Variants in PTPRN2 observed in about 807,000 individuals in gnomAD.
PTPRN2 encodes the protein receptor-type tyrosine-protein phosphatase N2.
In PTPRN2, 74 loss-of-function variants were observed where a neutral mutation model predicts 118.8. That is an observed-to-expected ratio of 0.62 (90% CI 0.52 to 0.76). The LOEUF (loss-of-function observed/expected upper bound fraction) is 0.76. PTPRN2 is among the 30% of genes least tolerant of loss of function. The pLI, the probability that PTPRN2 is intolerant of heterozygous loss-of-function variation, is 0.00. For synonymous variants in PTPRN2, 641 were observed against 608.0 expected (o/e 1.05, Z -0.80); for missense variants, 1,481 against 1,394.4 (o/e 1.06, Z -0.99).
chr7:157,759,723 ATTACTT>A (rs1368312549), intron 12 of PTPRN2, among the ~76,000 whole-genome samples: 1 of 152,236 alleles, frequency 6.6e-6, no homozygotes, highest in East Asian at 1.9e-4. Context: ...GGCTTTAAAA[ATTACTT>A]TAACAAATAA....
chr7:158,122,814 T>C (rs1333685052), intron 9 of PTPRN2, among the ~76,000 whole-genome samples: 1 of 151,996 alleles, frequency 6.6e-6, no homozygotes, highest in East Asian at 1.9e-4. Context: ...CCCAGAAAGG[T>C]GGGGTGAGCC....
intron 12 of PTPRN2, among the ~76,000 whole-genome samples, chr7:157,859,989 C>CTG (rs1389146447): frequency 1.3e-5 from 2 of 151,318 alleles, no homozygotes; most frequent in Non-Finnish European, 3.0e-5. Context: ...GCCCCGGCCA[C>CTG]CACCCACACT....
rs1169174617 is a variant in PTPRN2, at chr7:158,565,855, A to G, written c.112+21703T>C. 6.6e-6 allele frequency among the ~76,000 whole-genome samples: 1 copy of G among 152,128 alleles called. No individual in the cohort carries two copies. Among genetic ancestry groups the G allele is most frequent in the Admixed American group, 6.5e-5 (1 of 15,282 alleles). ...AGATGCAGGATATTCTGATGAGGAA[A>G]CCGAGGCATGGAGCTTCTTAGGAAC... On this transcript the variant is annotated intron_variant, in intron 1 of 22. Transcript: ENST00000389418. This position sits in a 1 kb window ranked among gnomAD's most constrained non-coding sequence, Gnocchi z 4.6.
At position 158,350,737 on chromosome 7, in the gene PTPRN2, G is replaced by A. The variant is rs114581539; in HGVS notation, c.164-33805C>T. 9.3e-3 allele frequency among the ~76,000 whole-genome samples: 1,419 copies of A among 152,154 alleles called. 28 individuals are homozygous for A. Among genetic ancestry groups the A allele is most frequent in the African/African-American group, 0.032 (1,340 of 41,516 alleles). On this transcript the variant is annotated intron_variant, in intron 2 of 22. Coordinates refer to ENST00000389418, the MANE Select transcript of PTPRN2 (RefSeq NM_002847.5). ...CCCAGTGGATCAGTCGCTCATCACC[G>A]GCCAGGCCAGTGCCTCGCCTCACCT...
chr7:158,116,570 T>C (rs898649523), intron 9 of PTPRN2, among the ~76,000 whole-genome samples: 2 of 152,240 alleles, frequency 1.3e-5, no homozygotes, highest in African/African-American at 4.8e-5. Context: ...GATGTTGTCC[T>C]CCAAATATTG....
chr7:157,904,359 T>C (rs564190064), intron 11 of PTPRN2, among the ~76,000 whole-genome samples: 15 of 152,330 alleles, frequency 9.8e-5, no homozygotes, highest in African/African-American at 3.4e-4. Context: ...AGAGCCCATA[T>C]GCTCCCGGTG....
intron 5 of PTPRN2, among the ~76,000 whole-genome samples, chr7:158,175,383 T>C (rs1824098068): frequency 6.6e-6 from 1 of 152,154 alleles, no homozygotes; most frequent in Non-Finnish European, 1.5e-5. Context: ...TTGGGATGAC[T>C]TCACTGTGCC....
At position 157,615,177 on chromosome 7, in the gene PTPRN2, G is replaced by A. The variant is rs1420174771; in HGVS notation, c.2344+6185C>T. Among the ~76,000 whole-genome samples the A allele has an allele frequency of 6.6e-6, 1 of 152,228 alleles. No homozygotes were observed. The highest frequency in any genetic ancestry group is 1.5e-5 in the Non-Finnish European group (1 of 68,034). ...GCTGGCCAGCGTGGGTGGTGGGTGT[G>A]CAGGCGATGCCACGCTACCCCTTCC... On this transcript the variant is annotated intron_variant, in intron 15 of 22. Transcript: ENST00000389418. This position sits in a 1 kb window ranked among gnomAD's most constrained non-coding sequence, Gnocchi z 4.3.
intron 11 of PTPRN2, among the ~76,000 whole-genome samples, chr7:158,009,537 A>C (rs1805894035): frequency 6.6e-6 from 1 of 152,200 alleles, no homozygotes; most frequent in African/African-American, 2.4e-5. Context: ...AATGTTTCCA[A>C]TGATAAGGCC....
intron 12 of PTPRN2, among the ~76,000 whole-genome samples, chr7:157,749,548 CCTGAGCTGCGGGGTGTCT>C (rs1801307235): frequency 7.0e-6 from 1 of 143,048 alleles, no homozygotes; most frequent in Non-Finnish European, 1.5e-5. Context: ...GGCCTGTGTC[CCTGAGCTGCGGGGTGTCT>C]GGGTGATTCT....
chr7:157,891,005 C>G (rs1796767728), intron 12 of PTPRN2, among the ~76,000 whole-genome samples: 2 of 152,292 alleles, frequency 1.3e-5, no homozygotes, highest in South Asian at 4.1e-4. Flanking sequence ...CCCCACCTCC[C>G]CACCTCCTTA....
In PTPRN2 at chr7:158,120,856, G is replaced by A. The variant is rs562980690; in HGVS notation, c.1557-9941C>T. Among the ~76,000 whole-genome samples, 14 of 152,256 alleles carry A rather than the reference G, an allele frequency of 9.2e-5. No homozygotes were observed. The South Asian group carries it at 1.9e-3, about 20-fold the overall frequency. On this transcript the variant is annotated intron_variant, in intron 9 of 22. Transcript: ENST00000389418. ...GAGGCAACAGGGAAGGGAGCCAGGC[G>A]GGGCTACAAAGACAAACTCAGGCTG...
chr7:157,888,840 C>A (rs2151302057), intron 12 of PTPRN2, among the ~76,000 whole-genome samples: 1 of 152,244 alleles, frequency 6.6e-6, no homozygotes, highest in East Asian at 1.9e-4. Flanking sequence ...CATATTTTCT[C>A]TTTATTTAGG....
chr7:158,049,857 C>T (rs1158012080), intron 11 of PTPRN2, among the ~76,000 whole-genome samples: 2 of 152,034 alleles, frequency 1.3e-5, no homozygotes, highest in East Asian at 1.9e-4. Context: ...GAACCAAGAT[C>T]GCACCATTTT....
At position 158,441,078 on chromosome 7, in the gene PTPRN2, GTGC is replaced by G. The variant is rs1817064248; in HGVS notation, c.163+48654_163+48656del. Among the ~76,000 whole-genome samples, 8 of 141,938 alleles carry G rather than the reference GTGC, an allele frequency of 5.6e-5. No homozygotes were observed. In the South Asian group the frequency reaches 1.3e-3, roughly 23 times the overall value. The allele number at this position is 141,938 out of a possible 152,430, so 93.1% of individuals were successfully genotyped here. A position where few individuals can be genotyped will look rare whatever the true frequency, so the allele number is the denominator to read the frequency against. The stretch of plus-strand genomic sequence containing the variant: ...AGTGATGGGGGTGGTAGTGATGGTG[GTGC>G]TGGTGGTAGTGATAGGGGTGGTAGT... On this transcript the variant is annotated intron_variant, in intron 2 of 22. Coordinates refer to ENST00000389418, the MANE Select transcript of PTPRN2 (RefSeq NM_002847.5).
rs764262309 is a variant in PTPRN2 at position 157,953,576 on chromosome 7, G to A, written c.1724-54839C>T. Among the ~76,000 whole-genome samples the A allele has an allele frequency of 2.6e-5, 4 of 152,070 alleles. No individual in the cohort carries two copies. The highest frequency in any genetic ancestry group is 5.9e-5 in the Non-Finnish European group (4 of 67,990). ...CCTGGATCCACATGGCTGGAGGTCCGGTGTCCCTAAAGACTTCTATGACAT... is the reference window on the plus strand; with the variant it reads ...CCTGGATCCACATGGCTGGAGGTCCAGTGTCCCTAAAGACTTCTATGACAT... On this transcript the variant is annotated intron_variant, in intron 11 of 22. Coordinates refer to ENST00000389418, the MANE Select transcript of PTPRN2 (RefSeq NM_002847.5). This position sits in a 1 kb window ranked among gnomAD's most constrained non-coding sequence, Gnocchi z 4.6.
intron 9 of PTPRN2, among the ~76,000 whole-genome samples, chr7:158,117,842 A>G (rs576611202): frequency 6.6e-6 from 1 of 152,324 alleles, no homozygotes; most frequent in African/African-American, 2.4e-5. Context: ...TCAAAAGTGA[A>G]GAAGAAATTA....
chr7:157,920,332 C>T (rs1298845052), intron 11 of PTPRN2, among the ~76,000 whole-genome samples: 1 of 152,198 alleles, frequency 6.6e-6, no homozygotes, highest in Non-Finnish European at 1.5e-5. Context: ...AAAGTTCTCT[C>T]AAAACTTTGA....
chr7:157,985,710 T>C (rs1803729034), intron 11 of PTPRN2, among the ~76,000 whole-genome samples: 1 of 152,214 alleles, frequency 6.6e-6, no homozygotes, highest in African/African-American at 2.4e-5. Flanking sequence ...ATACAGCAAG[T>C]GTGTTTTCTA....
Sources: gnomAD v4.1 joint callset for allele counts (sites outside exome capture counted in the v4.1 genomes callset) on GRCh38, gnomAD v4.1.1 for gene constraint, Gnocchi (gnomAD v3.1) non-coding constraint, MANE v1.5 for transcripts, NCBI Gene and HGNC (gene_info 2026-07-23, HGNC 2026-07-21) for gene names.